NRXN1: variants seen among roughly 807,000 people sequenced by gnomAD.
NRXN1 encodes neurexin 1.
Under a neutral mutation model 150.9 loss-of-function variants are expected in NRXN1, and 39 were observed. The ratio of observed to expected loss-of-function variants is 0.26; its 90% CI spans 0.20 to 0.34. The LOEUF is 0.34. Among genes scored for constraint, NRXN1 ranks in the 10% least tolerant of loss-of-function variants. The pLI, the probability that NRXN1 is intolerant of heterozygous loss-of-function variation, is 1.00. For synonymous variants in NRXN1, 924 were observed against 757.0 expected, an observed-to-expected ratio of 1.22 and a Z score of -3.62; for missense variants, 1,815 against 1,949.9, an observed-to-expected ratio of 0.93 and a Z score of 1.30.
intron 2 of NRXN1, among the ~76,000 whole-genome samples, chr2:51,023,327 G>T (rs548737293): frequency 1.1e-4 from 16 of 152,200 alleles, no homozygotes; most frequent in Admixed American, 2.0e-4. Flanking sequence ...AAAAATACTT[G>T]ACATGGTCCA....
chr2:50,359,912 G>C (rs1572674748), intron 17 of NRXN1, among the ~76,000 whole-genome samples: 1 of 152,304 alleles, frequency 6.6e-6, no homozygotes, highest in African/African-American at 2.4e-5. Context: ...AGCTCTCTCT[G>C]CAGAAACCCT....
intron 5 of NRXN1, among the ~76,000 whole-genome samples, chr2:50,849,949 T>A (rs1468856660): frequency 6.6e-6 from 1 of 152,088 alleles, no homozygotes; most frequent in Admixed American, 6.5e-5. Flanking sequence ...CTCATACCTG[T>A]AATCCCAACA....
At chr2:50,450,993 C>T (rs563212254) in intron 17 of NRXN1, among the ~76,000 whole-genome samples, 2 of 152,120 alleles carry the variant, frequency 1.3e-5, no homozygotes, top group Non-Finnish European at 2.9e-5. Context: ...ATTTTGTTGT[C>T]GTTTGAGTCA....
chr2:50,652,894 T>C (rs1685851838), intron 5 of NRXN1, among the ~76,000 whole-genome samples: 1 of 152,086 alleles, frequency 6.6e-6, no homozygotes, highest in South Asian at 2.1e-4. Flanking sequence ...TGGCGTGAAG[T>C]GTTATCTTGT....
intron 17 of NRXN1, among the ~76,000 whole-genome samples, chr2:50,306,735 T>G (rs1217409275): frequency 6.6e-6 from 1 of 152,218 alleles, no homozygotes; most frequent in East Asian, 1.9e-4. Flanking sequence ...CAGACTTTGT[T>G]TCTAACTTTT....
intron 17 of NRXN1, among the ~76,000 whole-genome samples, chr2:50,354,951 A>G (rs764358014): frequency 5.5e-4 from 84 of 152,016 alleles, no homozygotes; most frequent in Non-Finnish European, 7.4e-4. Context: ...TGGAAGGACA[A>G]CTCTAAGGCA....
At chr2:50,099,398 T>C (rs1700707714) in intron 18 of NRXN1, among the ~76,000 whole-genome samples, 1 of 152,100 alleles carries the variant, frequency 6.6e-6, no homozygotes, top group South Asian at 2.1e-4. Flanking sequence ...TCACATATCA[T>C]AACATTTGCC....
chr2:50,177,237 C>T (rs2060410083), intron 18 of NRXN1, among the ~76,000 whole-genome samples: 1 of 152,160 alleles, frequency 6.6e-6, no homozygotes, highest in Non-Finnish European at 1.5e-5. Context: ...GGTAATTTTT[C>T]AACTCTCATT....
intron 5 of NRXN1, among the ~76,000 whole-genome samples, chr2:50,846,476 G>C (rs1192762549): frequency 6.6e-6 from 1 of 151,828 alleles, no homozygotes; most frequent in African/African-American, 2.4e-5. Flanking sequence ...TTTAGCTCAT[G>C]CTACTGTGTT....
chr2:50,249,611 C>A (rs902462187), intron 17 of NRXN1, among the ~76,000 whole-genome samples: 1 of 151,350 alleles, frequency 6.6e-6, no homozygotes, highest in Non-Finnish European at 1.5e-5. Context: ...ACTATCATGA[C>A]CCATCCAAAC....
chr2:50,655,670 G>T lies in NRXN1; in HGVS notation c.833-32055C>A, dbSNP rs188240643. ...GTTGTTGTTTTTATTTTTCTTTTGG[G>T]GGGGGAGGGAAGAAAGAGGACAGAA... On this transcript the variant is annotated intron_variant, in intron 5 of 22. Transcript: ENST00000401669. Among the ~76,000 whole-genome samples the T allele has an allele frequency of 6.7e-3, 1,011 of 151,194 alleles. 6 individuals carry two copies. The highest frequency in any genetic ancestry group is 0.041 in the Middle Eastern group (12 of 294).
chr2:50,370,577 T>C (rs761297404), intron 17 of NRXN1, among the ~76,000 whole-genome samples: 1 of 152,058 alleles, frequency 6.6e-6, no homozygotes, highest in Non-Finnish European at 1.5e-5. Flanking sequence ...TGAGGGTTCA[T>C]GTCCTTTGCA....
intron 17 of NRXN1, among the ~76,000 whole-genome samples, chr2:50,290,707 C>G (rs1233568921): frequency 1.3e-5 from 2 of 152,060 alleles, no homozygotes; most frequent in African/African-American, 4.8e-5. Flanking sequence ...TCACCTGTTG[C>G]TTTGGAGTTA....
intron 19 of NRXN1, among the ~76,000 whole-genome samples, chr2:50,068,797 A>G (rs1388801950): frequency 2.0e-5 from 3 of 152,204 alleles, no homozygotes; most frequent in African/African-American, 7.2e-5. Flanking sequence ...GATCATAGAA[A>G]GTTGAAGTAA....
intron 19 of NRXN1, among the ~76,000 whole-genome samples, chr2:50,065,152 A>C (rs2152654475): frequency 6.6e-6 from 1 of 152,300 alleles, no homozygotes; most frequent in Admixed American, 6.5e-5. Context: ...TGTATTGAGT[A>C]GCTTCATGTT....
intron 19 of NRXN1, among the ~76,000 whole-genome samples, chr2:50,083,489 C>T (rs929272519): frequency 6.6e-5 from 10 of 152,268 alleles, no homozygotes; most frequent in African/African-American, 2.4e-4. Flanking sequence ...CGGACCCTAG[C>T]GCTGAGTGTT....
intron 2 of NRXN1, among the ~76,000 whole-genome samples, chr2:50,931,364 G>C (rs899376863): frequency 1.3e-5 from 2 of 151,970 alleles, no homozygotes; most frequent in Non-Finnish European, 2.9e-5. Context: ...AAAATACTTT[G>C]TGATGAAATT....
At chr2:50,266,571 ACAT>A (rs551866683) in intron 17 of NRXN1, among the ~76,000 whole-genome samples, 1,408 of 53,904 alleles carry the variant, frequency 0.026, 15 homozygotes, top group Non-Finnish European at 0.042. Flanking sequence ...ACACACACAC[ACAT>A]ATTTTCTTTC....
At chr2:50,806,606 A>G (rs1450987179) in intron 5 of NRXN1, among the ~76,000 whole-genome samples, 1 of 152,142 alleles carries the variant, frequency 6.6e-6, no homozygotes, top group Non-Finnish European at 1.5e-5. Flanking sequence ...TTTCCCTTAG[A>G]GATATGGTCA....
Sources: gnomAD v4.1 joint callset for allele counts (sites outside exome capture counted in the v4.1 genomes callset) on GRCh38, gnomAD v4.1.1 for gene constraint, MANE v1.5 for transcripts, NCBI Gene and HGNC (gene_info 2026-07-23, HGNC 2026-07-21) for gene names.